Variants in PIK3R5 observed in about 807,000 individuals in gnomAD.
PIK3R5 encodes the protein phosphoinositide 3-kinase regulatory subunit 5.
In PIK3R5, 32 loss-of-function variants were observed where a neutral mutation model predicts 94.9. That is an observed-to-expected ratio of 0.34 (90% CI 0.25 to 0.45). The LOEUF is 0.45. Among genes scored for constraint, PIK3R5 ranks in the 20% least tolerant of loss-of-function variants. The pLI is 1.00. For missense variants in PIK3R5, 853 were observed against 1,144.6 expected (o/e 0.75, Z 3.68); for synonymous variants, 443 against 479.4 (o/e 0.92, Z 0.99).
intron 12 of PIK3R5, 92 bp from the exon 13 acceptor site, chr17:8,886,697 A>C: frequency 7.2e-7 from 1 of 1,393,810 alleles, no homozygotes; most frequent in Non-Finnish European, 9.7e-7. Flanking sequence ...GAGAAGAGAG[A>C]CATAGAGGCA....
intron 3 of PIK3R5, among the ~76,000 whole-genome samples, chr17:8,906,017 C>G (rs1255715078): frequency 6.6e-6 from 1 of 152,004 alleles, no homozygotes; most frequent in Non-Finnish European, 1.5e-5. Flanking sequence ...ATTTTAAGTT[C>G]TGGGATACAT....
intron 1 of PIK3R5, among the ~76,000 whole-genome samples, chr17:8,927,695 G>A (rs2090912496): frequency 6.6e-6 from 1 of 152,202 alleles, no homozygotes; most frequent in Non-Finnish European, 1.5e-5. Context: ...TTAGAACTTA[G>A]ATATGTTTTT....
rs1239452618 is a variant in PIK3R5, at chr17:8,880,931, C to G, written c.2469G>C (p.Glu823Asp). Residue 823 changes from glutamate to aspartate, a missense_variant, in exon 18 of 19, where the codon GAG (glutamate) becomes GAC (aspartate). By Grantham distance (45) the Glu-to-Asp change is conservative. Transcript: ENST00000447110. ...TGACTACACTCTGCAGGATCTTTCT[C>G]TCATCCTGGTCCAGGCACACAGCAA... ...CPFAVCLDQD[E>D]RKILQSVVRC... 5.0e-6 allele frequency: 8 copies of G among 1,614,128 alleles called. No individual in the cohort carries two copies. Among genetic ancestry groups the G allele is most frequent in the Non-Finnish European group, 6.8e-6 (8 of 1,179,954 alleles).
intron 1 of PIK3R5, among the ~76,000 whole-genome samples, chr17:8,947,050 GA>G (rs1597429195): frequency 6.6e-6 from 1 of 151,420 alleles, no homozygotes; most frequent in African/African-American, 2.4e-5. Flanking sequence ...TGAATGAATT[GA>G]AAGATGAAGA....
chr17:8,956,115 C>G (rs982926858), intron 1 of PIK3R5, among the ~76,000 whole-genome samples: 1 of 151,784 alleles, frequency 6.6e-6, no homozygotes, highest in African/African-American at 2.4e-5. Context: ...GATCTGTGAT[C>G]GTGCCACTGT....
At chr17:8,933,254 T>C (rs2091017378) in intron 1 of PIK3R5, among the ~76,000 whole-genome samples, 1 of 152,210 alleles carries the variant, frequency 6.6e-6, no homozygotes. Context: ...TTGTCAAAAT[T>C]GTACAGTTAA....
chr17:8,913,517 GCCAAC>G (rs540083878), intron 1 of PIK3R5, among the ~76,000 whole-genome samples: 1,846 of 152,256 alleles, frequency 0.012, 34 homozygotes, highest in African/African-American at 0.042. Flanking sequence ...ATCCAGCCTG[GCCAAC>G]ATCTTGAAAC....
rs1567668783 is a variant in PIK3R5, at chr17:8,945,356, AC to A, written c.-14+20239del. On this transcript the variant is annotated intron_variant, in intron 1 of 18. Coordinates refer to ENST00000447110, the MANE Select transcript of PIK3R5 (RefSeq NM_001142633.3). This position sits in a 1 kb window ranked among gnomAD's most constrained non-coding sequence, Gnocchi z 4.0. ...TAGGTCTGCCTCCCACCCCAGCCAC[AC>A]ACACACACACTCACACCCTTCAGGG... is the stretch of plus-strand genomic sequence containing the variant. 8.5e-5 allele frequency among the ~76,000 whole-genome samples: 13 copies of A among 152,184 alleles called. No homozygotes were observed. The South Asian group carries it at 1.0e-3, about 12-fold the overall frequency.
chr17:8,948,060 A>G (rs1020990282), intron 1 of PIK3R5, among the ~76,000 whole-genome samples: 7 of 150,628 alleles, frequency 4.6e-5, no homozygotes, highest in Non-Finnish European at 8.9e-5. Flanking sequence ...AAAAAAAAAA[A>G]AAAAAAGAAA....
intron 1 of PIK3R5, among the ~76,000 whole-genome samples, chr17:8,933,070 G>C (rs905292121): frequency 3.9e-5 from 6 of 152,142 alleles, no homozygotes; most frequent in Admixed American, 3.9e-4. Flanking sequence ...AACTAGGATA[G>C]AGTGATATAC....
In PIK3R5 at chr17:8,889,424, T is replaced by C. The variant is rs2089966652; in HGVS notation, c.812-202A>G. On this transcript the variant is annotated intron_variant, in intron 8 of 18. Transcript: ENST00000447110. The surrounding 1 kb of genome is among the most constrained non-coding windows in gnomAD (Gnocchi z 4.1). Reference sequence around the variant, plus strand: ...CCTTCTTTCAAGCACACCATGTAGATGGCATGCCCTTTATGAGCTGTGCGA... The same window carrying C: ...CCTTCTTTCAAGCACACCATGTAGACGGCATGCCCTTTATGAGCTGTGCGA... Among the ~76,000 whole-genome samples the C allele has an allele frequency of 6.6e-6, 1 of 152,302 alleles. No homozygotes were observed. The highest frequency in any genetic ancestry group is 6.5e-5 in the Admixed American group (1 of 15,304).
chr17:8,895,256 C>T lies in PIK3R5; in HGVS notation c.413-1601G>A, dbSNP rs149874301. On this transcript the variant is annotated intron_variant, in intron 5 of 18. Coordinates refer to ENST00000447110, the MANE Select transcript of PIK3R5 (RefSeq NM_001142633.3). The stretch of plus-strand genomic sequence containing the variant: ...TCCCTGACCATAAAACACATAGATA[C>T]GCAAAATCTTCTCTTGACCTTATTT... Among the ~76,000 whole-genome samples, 8 of 152,274 alleles carry T rather than the reference C, an allele frequency of 5.3e-5. No individual in the cohort carries two copies. The East Asian group carries it at 5.8e-4, about 11-fold the overall frequency.
intron 2 of PIK3R5, among the ~76,000 whole-genome samples, chr17:8,910,584 C>T (rs1358332129): frequency 1.2e-4 from 18 of 152,096 alleles, no homozygotes; most frequent in South Asian, 4.1e-4. Flanking sequence ...AAGTGGCCTG[C>T]GCAGGGTTGT....
In PIK3R5 at chr17:8,911,310, T is replaced by C. The variant is rs1164725011; in HGVS notation, c.103+82A>G. 3.6e-6 allele frequency: 4 copies of C among 1,111,034 alleles called. No homozygotes were observed. The highest frequency in any genetic ancestry group is 1.8e-5 in the Admixed American group (1 of 55,306). 68.8% of individuals were successfully genotyped at this position (1,111,034 alleles called of 1,614,324 possible). On this transcript the variant is annotated intron_variant, in intron 2 of 18. Transcript: ENST00000447110. The surrounding 1 kb of genome is among the most constrained non-coding windows in gnomAD (Gnocchi z 5.3). The stretch of plus-strand genomic sequence containing the variant: ...AGGGTTTCACCTAGAATTTGCCAGT[T>C]TCCATGCCTGGTCCAGTGCCCACCG...
chr17:8,886,622 G>A lies in PIK3R5; in HGVS notation c.1906-17C>T. 1 of 1,562,794 alleles carries A rather than the reference G, an allele frequency of 6.4e-7. No homozygotes were observed. The highest frequency in any genetic ancestry group is 2.2e-5 in the East Asian group (1 of 44,558). On this transcript the variant is annotated splice_polypyrimidine_tract_variant and intron_variant, in intron 12 of 18. Coordinates refer to ENST00000447110, the MANE Select transcript of PIK3R5 (RefSeq NM_001142633.3). ...CAGGGACTGCTGTGGCCAGAGGGAA[G>A]GGGCAGCCAAGCCAGATGGGTGGGT...
rs1229123633 is a variant in PIK3R5 at position 8,892,766 on chromosome 17, C to A, written c.482+820G>T. 6.6e-6 allele frequency among the ~76,000 whole-genome samples: 1 copy of A among 152,092 alleles called. No individual in the cohort carries two copies. Among genetic ancestry groups the A allele is most frequent in the Admixed American group, 6.5e-5 (1 of 15,272 alleles). ...CTCAGGGGAGTGAGTGGGAAGTGAA[C>A]CCCTGGGGCTGGGAATGAGGAGGGC... On this transcript the variant is annotated intron_variant, in intron 6 of 18. Transcript: ENST00000447110. The surrounding 1 kb of genome is among the most constrained non-coding windows in gnomAD (Gnocchi z 4.3).
chr17:8,885,273 C>A (rs61761110), intron 14 of PIK3R5, among the ~76,000 whole-genome samples: 5,522 of 150,900 alleles, frequency 0.037, 356 homozygotes, highest in African/African-American at 0.13. Context: ...CAGGGCCCTG[C>A]CTTCCAGGCA....
At chr17:8,963,760 G>A (rs1351625574) in intron 1 of PIK3R5, among the ~76,000 whole-genome samples, 1 of 152,050 alleles carries the variant, frequency 6.6e-6, no homozygotes, top group Non-Finnish European at 1.5e-5. Context: ...TGCTTCTACT[G>A]CAGCCTGAGG....
chr17:8,895,221 A>T (rs985706019), intron 5 of PIK3R5, among the ~76,000 whole-genome samples: 3 of 152,138 alleles, frequency 2.0e-5, no homozygotes, highest in Non-Finnish European at 4.4e-5. Flanking sequence ...ACAAACAGAT[A>T]TTCCCCATCT....
Sources: allele counts gnomAD v4.1 joint callset (sites outside exome capture counted in the v4.1 genomes callset), GRCh38; gene constraint gnomAD v4.1.1; non-coding constraint Gnocchi (gnomAD v3.1); transcripts MANE v1.5; gene names NCBI Gene and HGNC (gene_info 2026-07-23, HGNC 2026-07-21).